Variants in RBKS observed in about 807,000 individuals in gnomAD.
RBKS encodes the protein ribokinase.
RBKS carries 33 observed loss-of-function variants against 33.9 expected under a neutral mutation model. That is an observed-to-expected ratio of 0.97 (90% CI 0.74 to 1.30). RBKS has a LOEUF of 1.30. Among genes scored for constraint, RBKS ranks in the 50% most tolerant of loss-of-function variants. RBKS has a pLI of 0.00. For missense variants in RBKS, 361 were observed against 392.6 expected (o/e 0.92, Z 0.68); for synonymous variants, 125 against 143.0 (o/e 0.87, Z 0.90).
chr2:27,859,927 C>A (rs766459953), intron 1 of RBKS, among the ~76,000 whole-genome samples: 2 of 152,158 alleles, frequency 1.3e-5, no homozygotes, highest in African/African-American at 4.8e-5. Context: ...TAAGAACACA[C>A]GATTGCTTCA....
intron 6 of RBKS, among the ~76,000 whole-genome samples, chr2:27,828,400 T>A (rs950814157): frequency 1.3e-5 from 2 of 152,216 alleles, no homozygotes; most frequent in African/African-American, 4.8e-5. Context: ...GTTTGGCACC[T>A]AAGGACATAA....
chr2:27,850,720 A>G (rs1450313232), intron 2 of RBKS, among the ~76,000 whole-genome samples: 3 of 152,210 alleles, frequency 2.0e-5, no homozygotes, highest in Admixed American at 1.3e-4. Context: ...TTATCCATTT[A>G]TCTACTAAAG....
chr2:27,886,387 A>G (rs1423812689), intron 1 of RBKS, among the ~76,000 whole-genome samples: 4 of 152,228 alleles, frequency 2.6e-5, no homozygotes, highest in Non-Finnish European at 5.9e-5. Flanking sequence ...GGCTAGTTAC[A>G]GTTAAATTTA....
At chr2:27,848,450 T>C (rs1480727956) in intron 2 of RBKS, among the ~76,000 whole-genome samples, 3 of 152,208 alleles carry the variant, frequency 2.0e-5, no homozygotes, top group Admixed American at 6.5e-5. Context: ...ACTGTAAATA[T>C]GGGTATCTTT....
chr2:27,831,893 TGA>T (rs1678423358), intron 6 of RBKS, among the ~76,000 whole-genome samples: 1 of 131,460 alleles, frequency 7.6e-6, no homozygotes, highest in Admixed American at 8.1e-5. Flanking sequence ...CCAACCTGGG[TGA>T]AACAGTGAGT....
chr2:27,807,818 G>C (rs148911256), intron 7 of RBKS, among the ~76,000 whole-genome samples: 136 of 151,938 alleles, frequency 9.0e-4, no homozygotes, highest in African/African-American at 3.1e-3. Flanking sequence ...AGTATTTTGT[G>C]GGGGGGAATC....
At chr2:27,814,149 A>C (rs1044019937) in intron 7 of RBKS, among the ~76,000 whole-genome samples, 12 of 152,216 alleles carry the variant, frequency 7.9e-5, no homozygotes, top group East Asian at 7.7e-4. Context: ...TGAGCCCAGG[A>C]GTTTGAGGCT....
intron 1 of RBKS, chr2:27,861,672 G>GGGT: frequency 2.4e-6 from 1 of 423,006 alleles, no homozygotes; most frequent in South Asian, 1.8e-5. Flanking sequence ...TTGGGGGGGG[G>GGGT]GTGGAGTCTC....
chr2:27,855,952 G>A (rs1663849960), intron 2 of RBKS, among the ~76,000 whole-genome samples: 1 of 152,004 alleles, frequency 6.6e-6, no homozygotes, highest in Non-Finnish European at 1.5e-5. Context: ...TTTTTATCTT[G>A]ATAAATTTCA....
intron 7 of RBKS, among the ~76,000 whole-genome samples, chr2:27,794,654 G>C (rs1355324826): frequency 7.1e-6 from 1 of 141,670 alleles, no homozygotes; most frequent in Non-Finnish European, 1.5e-5. Flanking sequence ...TGGAGTTTTC[G>C]CTCTTGTTGC....
chr2:27,847,641 G>A (rs556849473), intron 3 of RBKS, among the ~76,000 whole-genome samples: 96 of 152,208 alleles, frequency 6.3e-4, no homozygotes, highest in Non-Finnish European at 1.1e-3. Flanking sequence ...CCAACCAACT[G>A]TGTGCTCTTG....
rs200310841 is a variant in RBKS, at chr2:27,781,703, G to A, written c.881C>T (p.Ser294Phe). ...GACACTGACTGCTGCAATGAAATTG[G>A]ATCTGTTGAGCATGTCTTCCAAGGA... ...NLSLEDMLNR[S>F]NFIAAVSVQA... The change falls in exon 8 of 8, where the codon TCC (serine) becomes TTC (phenylalanine). Residue 294 changes from serine (S) to phenylalanine (F), a missense_variant. Coordinates refer to ENST00000302188, the MANE Select transcript of RBKS (RefSeq NM_022128.3). 2 of 1,613,994 alleles carry A rather than the reference G, an allele frequency of 1.2e-6. No individual in the cohort carries two copies. The highest frequency in any genetic ancestry group is 1.7e-5 in the Admixed American group (1 of 59,998).
chr2:27,803,096 T>C (rs1463114525), intron 7 of RBKS, among the ~76,000 whole-genome samples: 1 of 152,146 alleles, frequency 6.6e-6, no homozygotes, highest in Non-Finnish European at 1.5e-5. Flanking sequence ...TCCCAGAGTG[T>C]TGGCATTACA....
At chr2:27,790,444 C>T (rs1380746875) in intron 7 of RBKS, among the ~76,000 whole-genome samples, 3 of 152,124 alleles carry the variant, frequency 2.0e-5, no homozygotes, top group Admixed American at 6.5e-5. Context: ...ACCTGATAAA[C>T]TGAAATTTAT....
At chr2:27,862,058 C>T (rs891463409) in intron 1 of RBKS, among the ~76,000 whole-genome samples, 4 of 151,426 alleles carry the variant, frequency 2.6e-5, no homozygotes, top group Admixed American at 6.6e-5. Flanking sequence ...GATGATCCTC[C>T]CACCTTAGCC....
intron 1 of RBKS, among the ~76,000 whole-genome samples, chr2:27,862,134 G>C (rs1489504211): frequency 6.6e-6 from 1 of 151,626 alleles, no homozygotes; most frequent in Non-Finnish European, 1.5e-5. Flanking sequence ...TTTTTTTATA[G>C]AGACGGGGTT....
chr2:27,861,927 G>C (rs55650314), intron 1 of RBKS, among the ~76,000 whole-genome samples: 11,092 of 149,764 alleles, frequency 0.074, 694 homozygotes, highest in African/African-American at 0.17. Context: ...TTACAGGTGT[G>C]ATCCATGGCG....
chr2:27,788,250 A>G (rs937811820), intron 7 of RBKS, among the ~76,000 whole-genome samples: 13 of 151,594 alleles, frequency 8.6e-5, no homozygotes, highest in African/African-American at 2.9e-4. Context: ...AGGACAGGGG[A>G]AAAAAAAGAA....
chr2:27,796,308 G>A (rs4666014), intron 7 of RBKS, among the ~76,000 whole-genome samples: 54,263 of 151,938 alleles, frequency 0.36, 12,001 homozygotes, highest in African/African-American at 0.59. Context: ...GTACTTTCCA[G>A]TCAATCATTC....
Sources: allele counts gnomAD v4.1 joint callset (sites outside exome capture counted in the v4.1 genomes callset), GRCh38; gene constraint gnomAD v4.1.1; transcripts MANE v1.5; gene names NCBI Gene and HGNC (gene_info 2026-07-23, HGNC 2026-07-21).